Variants in MBNL3 observed in about 807,000 individuals in gnomAD.
MBNL3 encodes muscleblind-like protein 3.
A neutral mutation model predicts 24.5 loss-of-function variants in MBNL3; 6 were observed. The observed-to-expected ratio is 0.25, with a 90% CI of 0.13 to 0.48. MBNL3 has a LOEUF of 0.48. Among genes scored for constraint, MBNL3 ranks in the 20% least tolerant of loss-of-function variants. The pLI, the probability that MBNL3 is intolerant of heterozygous loss-of-function variation, is 0.99. For missense variants in MBNL3, 230 were observed against 293.5 expected, an observed-to-expected ratio of 0.78 and a Z score of 1.58; for synonymous variants, 100 against 101.7, an observed-to-expected ratio of 0.98 and a Z score of 0.10.
intron 2 of MBNL3, among the ~76,000 whole-genome samples, chrX:132,436,729 C>T (rs902719488): frequency 8.9e-6 from 1 of 112,015 alleles, no homozygotes; most frequent in Non-Finnish European, 1.9e-5. Flanking sequence ...TTAATTTAAC[C>T]TTCATGCATG....
At chrX:132,396,431 TATATATATTC>T (rs1180114288) in intron 3 of MBNL3, among the ~76,000 whole-genome samples, 2 of 82,833 alleles carry the variant, frequency 2.4e-5, no homozygotes, top group South Asian at 5.7e-4. Flanking sequence ...TATATATTCC[TATATATATTC>T]ATATATATTC....
intron 1 of MBNL3, among the ~76,000 whole-genome samples, chrX:132,456,114 C>G (rs1401702541): frequency 4.5e-5 from 5 of 112,009 alleles, no homozygotes. Context: ...TGTTGCAAGC[C>G]AAAACTCGTG....
intron 2 of MBNL3, chrX:132,429,720 T>C (rs1380614380): frequency 8.9e-6 from 1 of 112,108 alleles, no homozygotes; most frequent in Non-Finnish European, 1.9e-5. Context: ...CAATGTCATG[T>C]GGAGCAGCAT....
intron 1 of MBNL3, among the ~76,000 whole-genome samples, chrX:132,459,415 T>TCTTATAG (rs1425018618): frequency 4.5e-5 from 5 of 110,877 alleles, no homozygotes; most frequent in Non-Finnish European, 9.5e-5. Context: ...TATTTAAAGG[T>TCTTATAG]CTTATAGGAT....
rs1015067996 is a variant in MBNL3 at position 132,380,837 on chromosome X, GA to G, written c.1054-1161del. On this transcript the variant is annotated intron_variant, in intron 8 of 8. Transcript: ENST00000370853. ...CAAAGAGGAGATTGAGGGTGAAGGA[GA>G]AAAAAAAAATCCCACAACAACAAAA... Among the ~76,000 whole-genome samples the G allele has an allele frequency of 2.5e-4, 26 of 102,490 alleles. 1 individual carries two copies. Among genetic ancestry groups the G allele is most frequent in the South Asian group, 8.4e-4 (2 of 2,379 alleles). 89.0% of individuals were successfully genotyped at this position (102,490 alleles called of 115,157 possible). A position where few individuals can be genotyped will look rare whatever the true frequency, so the allele number is the denominator to read the frequency against.
chrX:132,431,761 T>C (rs1944755418), intron 2 of MBNL3: 1 of 112,044 alleles, frequency 8.9e-6, no homozygotes, highest in Admixed American at 9.4e-5. Flanking sequence ...CACAGATCAA[T>C]ATCTATTCCT....
At position 132,384,684 on chromosome X, in the gene MBNL3, T is replaced by G; in HGVS notation, c.937A>C (p.Met313Leu). The change falls in exon 7 of 9, where the codon ATG becomes CTG. Residue 313 changes from methionine (M) to leucine (L), a missense_variant. Transcript: ENST00000370853. ...CTACCAATATTTGAAGCGGGTGCCATGCACAGTATTGGCCCTGTACACCAC... is the reference window on the plus strand; with the variant it reads ...CTACCAATATTTGAAGCGGGTGCCAGGCACAGTATTGGCCCTGTACACCAC... ...AFIPAGPILC[M>L]APASNIVPMM... The G allele has an allele frequency of 8.4e-7, 1 of 1,196,017 alleles. No individual in the cohort carries two copies. The highest frequency in any genetic ancestry group is 1.1e-6 in the Non-Finnish European group (1 of 886,429).
At chrX:132,443,910 T>C (rs1239567921) in intron 1 of MBNL3, among the ~76,000 whole-genome samples, 1 of 101,322 alleles carries the variant, frequency 9.9e-6, no homozygotes, top group Admixed American at 1.2e-4. Flanking sequence ...GGTTGAGTAA[T>C]TTAACTTGCA....
chrX:132,390,516 G>T (rs1407932379), intron 5 of MBNL3, among the ~76,000 whole-genome samples: 1 of 110,765 alleles, frequency 9.0e-6, no homozygotes, highest in Non-Finnish European at 1.9e-5. Context: ...GCAACTTTCT[G>T]CCTCTCTAGG....
At chrX:132,451,689 C>T (rs1349277426) in intron 1 of MBNL3, among the ~76,000 whole-genome samples, 1 of 111,413 alleles carries the variant, frequency 9.0e-6, no homozygotes. Flanking sequence ...AGTTCTGTCT[C>T]ACTGGTATTC....
chrX:132,447,463 C>T (rs970466046), intron 1 of MBNL3, among the ~76,000 whole-genome samples: 5 of 111,414 alleles, frequency 4.5e-5, no homozygotes, highest in Non-Finnish European at 7.5e-5. Context: ...TTGAAGAGGT[C>T]CTTCACATCC....
intron 1 of MBNL3, among the ~76,000 whole-genome samples, chrX:132,460,955 A>G: frequency 9.0e-6 from 1 of 111,361 alleles, no homozygotes. Flanking sequence ...GTAAGAACAT[A>G]CGGTATTTGG....
intron 1 of MBNL3, among the ~76,000 whole-genome samples, chrX:132,478,784 T>C (rs1022043599): frequency 8.9e-6 from 1 of 112,256 alleles, no homozygotes. Flanking sequence ...ATTACAATGA[T>C]AGAATAAATA....
rs1937313921 is a variant in MBNL3 at position 132,392,337 on chromosome X, G to A, written c.343-3C>T. 1.7e-6 allele frequency: 2 copies of A among 1,178,730 alleles called. No homozygotes were observed. Among genetic ancestry groups the A allele is most frequent in the Middle Eastern group, 2.4e-4 (1 of 4,242 alleles). On this transcript the variant is annotated splice_polypyrimidine_tract_variant and splice_region_variant and intron_variant, in intron 3 of 8. Transcript: ENST00000370853. ...GATGGAGTCATAGGAAAAGAACCCTGTATGTTTAAAAGAGAAAAAAAGATG... is the reference window on the plus strand; with the variant it reads ...GATGGAGTCATAGGAAAAGAACCCTATATGTTTAAAAGAGAAAAAAAGATG...
intron 1 of MBNL3, among the ~76,000 whole-genome samples, chrX:132,466,949 T>C (rs1406982317): frequency 9.0e-6 from 1 of 111,435 alleles, no homozygotes; most frequent in African/African-American, 3.3e-5. Context: ...TGGGGGGTTG[T>C]CAGGGAGTGA....
intron 3 of MBNL3, among the ~76,000 whole-genome samples, chrX:132,402,702 G>C (rs989193401): frequency 9.0e-6 from 1 of 111,726 alleles, no homozygotes; most frequent in Non-Finnish European, 1.9e-5. Flanking sequence ...TGTCAATTCA[G>C]ACCTGTTTAA....
chrX:132,434,004 T>G, intron 2 of MBNL3, among the ~76,000 whole-genome samples: 1 of 112,450 alleles, frequency 8.9e-6, no homozygotes, highest in Non-Finnish European at 1.9e-5. Context: ...GCCCCTGCCA[T>G]TCTCTGCACC....
At chrX:132,472,686 C>A (rs1376433265) in intron 1 of MBNL3, among the ~76,000 whole-genome samples, 1 of 111,741 alleles carries the variant, frequency 8.9e-6, no homozygotes. Flanking sequence ...CACATACCCC[C>A]CAAAAGATAA....
chrX:132,439,514 G>C lies in MBNL3; in HGVS notation c.98C>G (p.Ala33Gly). The C allele has an allele frequency of 8.3e-7, 1 of 1,208,626 alleles. No homozygotes were observed. The highest frequency in any genetic ancestry group is 1.8e-5 in the South Asian group (1 of 56,434). The change falls in exon 2 of 9, where the codon GCA (alanine) becomes GGA (glycine). Residue 33 changes from alanine to glycine, a missense_variant. Coordinates refer to ENST00000370853, the MANE Select transcript of MBNL3 (RefSeq NM_001386889.1). ...FQRGTCSRAD[A>G]DCKFAHPPRV... ...TGGTGGATGGGCAAACTTGCAATCT[G>C]CATCAGCTCGAGAGCAAGTTCCTCT...
Sources: allele counts gnomAD v4.1 joint callset (sites outside exome capture counted in the v4.1 genomes callset), GRCh38; gene constraint gnomAD v4.1.1; transcripts MANE v1.5; gene names NCBI Gene and HGNC (gene_info 2026-07-23, HGNC 2026-07-21).